The following RRM2 variants were observed in gnomAD, a reference collection of about 807,000 sequenced individuals.
RRM2 encodes the protein ribonucleotide reductase regulatory subunit M2.
Under a neutral mutation model 45.9 loss-of-function variants are expected in RRM2, and 6 were observed. The observed-to-expected ratio is 0.13, with a 90% CI of 0.07 to 0.26. The LOEUF is 0.26. Ranked by LOEUF, RRM2 falls within the 10% of genes least tolerant of loss-of-function variation. The pLI is 1.00. For synonymous variants in RRM2, 177 were observed against 173.0 expected (o/e 1.02, Z -0.18); for missense variants, 343 against 489.5 (o/e 0.70, Z 2.82).
intron 3 of RRM2, among the ~76,000 whole-genome samples, chr2:10,150,625 C>G (rs1375677378): frequency 1.3e-5 from 2 of 151,898 alleles, no homozygotes; most frequent in East Asian, 3.8e-4. Flanking sequence ...TCACAACCAT[C>G]AGCCACTAGA....
intron 3 of RRM2, among the ~76,000 whole-genome samples, chr2:10,209,685 AT>A (rs1664725253): frequency 6.6e-6 from 1 of 152,022 alleles, no homozygotes; most frequent in African/African-American, 2.4e-5. Context: ...CCCATTATCC[AT>A]TAGATGCCAC....
chr2:10,202,878 G>A (rs1413403019), intron 3 of RRM2, among the ~76,000 whole-genome samples: 1 of 152,174 alleles, frequency 6.6e-6, no homozygotes, highest in Non-Finnish European at 1.5e-5. Context: ...GATTACAGGC[G>A]AGAGGCACTG....
intron 3 of RRM2, among the ~76,000 whole-genome samples, chr2:10,181,288 C>T (rs1664041087): frequency 6.6e-6 from 1 of 150,958 alleles, no homozygotes. Flanking sequence ...CAAGAGGCAG[C>T]ATATTGCAAT....
Position 10,205,054 on chromosome 2 carries a change from A to G in RRM2, n.483-5257A>G, listed in dbSNP as rs1558408478. 6.6e-6 allele frequency among the ~76,000 whole-genome samples: 1 copy of G among 152,114 alleles called. No homozygotes were observed. The highest frequency in any genetic ancestry group is 1.9e-4 in the East Asian group (1 of 5,192). On this transcript the variant is annotated intron_variant and non_coding_transcript_variant, in intron 3 of 3. Transcript: ENST00000381786. This position sits in a 1 kb window ranked among gnomAD's most constrained non-coding sequence, Gnocchi z 4.8. Reference sequence around the variant, plus strand: ...ACGTGGTCTGCTTCGAATCCAGCAAACTTTTGTTTTCAGTGCCCAGCTCCC... The same window carrying G: ...ACGTGGTCTGCTTCGAATCCAGCAAGCTTTTGTTTTCAGTGCCCAGCTCCC...
At chr2:10,141,753 CAG>C (rs1353806357) in intron 1 of RRM2, 19 of 1,483,066 alleles carry the variant, frequency 1.3e-5, no homozygotes, top group Non-Finnish European at 1.7e-5. Flanking sequence ...GCACGGGAAA[CAG>C]AGCCCCAGGA....
intron 3 of RRM2, among the ~76,000 whole-genome samples, chr2:10,150,068 C>G (rs182768967): frequency 6.6e-6 from 1 of 152,314 alleles, no homozygotes; most frequent in Non-Finnish European, 1.5e-5. Context: ...AATCCCAGCA[C>G]TTTTGGAGGA....
intron 3 of RRM2, among the ~76,000 whole-genome samples, chr2:10,187,088 C>A (rs1170724331): frequency 6.6e-6 from 1 of 152,208 alleles, no homozygotes; most frequent in Non-Finnish European, 1.5e-5. Context: ...CTGGTCCTTG[C>A]CAGCGCTGCA....
At chr2:10,179,976 C>G (rs936494873) in intron 3 of RRM2, among the ~76,000 whole-genome samples, 52 of 152,302 alleles carry the variant, frequency 3.4e-4, no homozygotes, top group African/African-American at 1.2e-3. Flanking sequence ...CTCGGGAAGC[C>G]CTCCACCCAG....
chr2:10,136,367 C>T (rs1662989968), downstream of RRM2, among the ~76,000 whole-genome samples: 1 of 152,132 alleles, frequency 6.6e-6, no homozygotes, highest in South Asian at 2.1e-4. Context: ...TGGGCCTCCA[C>T]TGTGCAGGGT....
intron 3 of RRM2, among the ~76,000 whole-genome samples, chr2:10,200,677 C>CCGCGCACACAAAATA: frequency 7.5e-6 from 1 of 132,542 alleles, no homozygotes; most frequent in Non-Finnish European, 1.7e-5. Context: ...CCCACAGGGA[C>CCGCGCACACAAAATA]TGCGCGCACA....
downstream of RRM2, among the ~76,000 whole-genome samples, chr2:10,133,398 C>T (rs1662936704): frequency 6.6e-6 from 1 of 152,256 alleles, no homozygotes; most frequent in South Asian, 2.1e-4. Flanking sequence ...AGGACTTTGT[C>T]ATGCAAAGGA....
At chr2:10,186,984 C>G (rs1479838078) in intron 3 of RRM2, among the ~76,000 whole-genome samples, 1 of 152,218 alleles carries the variant, frequency 6.6e-6, no homozygotes, top group Non-Finnish European at 1.5e-5. Flanking sequence ...AGGAGTCCCC[C>G]GAAGGGGGGC....
intron 3 of RRM2, among the ~76,000 whole-genome samples, chr2:10,209,574 CAT>C (rs1491412701): frequency 3.3e-5 from 5 of 150,390 alleles, no homozygotes; most frequent in African/African-American, 9.8e-5. Context: ...GACGTGCTTG[CAT>C]GTGTGTGTGT....
At chr2:10,152,018 G>A (rs1270958388) in intron 3 of RRM2, among the ~76,000 whole-genome samples, 1 of 151,422 alleles carries the variant, frequency 6.6e-6, no homozygotes, top group Non-Finnish European at 1.5e-5. Flanking sequence ...GCCCCATCTC[G>A]GCTCACTGCA....
chr2:10,134,467 G>A (rs546556943), downstream of RRM2, among the ~76,000 whole-genome samples: 49 of 152,282 alleles, frequency 3.2e-4, no homozygotes, highest in African/African-American at 1.1e-3. Context: ...GGGAAGATAA[G>A]GGTTTTAATC....
intron 2 of RRM2, chr2:10,141,965 C>A (rs372909793): frequency 6.4e-7 from 1 of 1,572,010 alleles, no homozygotes; most frequent in Non-Finnish European, 8.6e-7. Context: ...GTAAGTCAGA[C>A]GGTGACAAGC....
rs1664152217 is a variant in RRM2 at position 10,185,774 on chromosome 2, C to T, written n.483-24537C>T. The stretch of plus-strand genomic sequence containing the variant: ...CTTTCCCCCACCCTTCACCTCCCCT[C>T]TCTGTTCTCCCCAGTCTCCCCTAAA... On this transcript the variant is annotated intron_variant and non_coding_transcript_variant, in intron 3 of 3. Coordinates refer to the RRM2 transcript ENST00000381786. This position sits in a 1 kb window ranked among gnomAD's most constrained non-coding sequence, Gnocchi z 4.3. 6.6e-6 allele frequency among the ~76,000 whole-genome samples: 1 copy of T among 152,148 alleles called. No homozygotes were observed. Among genetic ancestry groups the T allele is most frequent in the Non-Finnish European group, 1.5e-5 (1 of 68,032 alleles).
intron 3 of RRM2, among the ~76,000 whole-genome samples, chr2:10,146,665 G>A (rs990396932): frequency 6.6e-6 from 1 of 152,190 alleles, no homozygotes; most frequent in Non-Finnish European, 1.5e-5. Flanking sequence ...GCGCAGGAGA[G>A]CTGAGATGGG....
Position 10,141,932 on chromosome 2 carries a change from A to G in RRM2, n.339A>G, listed in dbSNP as rs768579586. The G allele has an allele frequency of 1.2e-5, 19 of 1,578,344 alleles. No individual in the cohort carries two copies. The South Asian group carries it at 2.2e-4, about 18-fold the overall frequency. Reference sequence around the variant, plus strand: ...CAGCACGCCAGTGAGGGAGATGGAGACCAATCACCCACCCAGTGTGCGGTA... The same window carrying G: ...CAGCACGCCAGTGAGGGAGATGGAGGCCAATCACCCACCCAGTGTGCGGTA... On this transcript the variant is annotated non_coding_transcript_exon_variant, in exon 2 of 4. Transcript: ENST00000381786.
Sources: gnomAD v4.1 joint callset for allele counts (sites outside exome capture counted in the v4.1 genomes callset) on GRCh38, gnomAD v4.1.1 for gene constraint, Gnocchi (gnomAD v3.1) non-coding constraint, MANE v1.5 for transcripts, NCBI Gene and HGNC (gene_info 2026-07-23, HGNC 2026-07-21) for gene names.